Variants in NDOR1 observed in about 807,000 individuals in gnomAD.
NDOR1 encodes NADPH-dependent diflavin oxidoreductase 1.
In NDOR1, 61 loss-of-function variants were observed where a neutral mutation model predicts 67.2. The observed-to-expected ratio is 0.91, with a 90% CI of 0.74 to 1.12. NDOR1 has a LOEUF of 1.12. Ranked by LOEUF, NDOR1 falls within the 50% of genes most tolerant of loss-of-function variation. The pLI, the probability that NDOR1 is intolerant of heterozygous loss-of-function variation, is 0.00. For synonymous variants in NDOR1, 378 were observed against 343.7 expected (o/e 1.10, Z -1.10); for missense variants, 878 against 802.8 (o/e 1.09, Z -1.13).
At position 137,210,096 on chromosome 9, in the gene NDOR1, C is replaced by T. The variant is rs867147309; in HGVS notation, c.214-2406C>T. Among the ~76,000 whole-genome samples, 7 of 152,340 alleles carry T rather than the reference C, an allele frequency of 4.6e-5. 1 individual carries two copies. The South Asian group carries it at 1.0e-3, about 23-fold the overall frequency. On this transcript the variant is annotated intron_variant, in intron 2 of 13. Coordinates refer to ENST00000684003, the MANE Select transcript of NDOR1 (RefSeq NM_014434.4). ...TGAAAACATGCACCAGAAAGAACCA[C>T]ACCCCACCCGAGGAAAGACCCGCAT...
rs931361402 is a variant in NDOR1 at position 137,218,302 on chromosome 9, G to T, written c.*1886G>T. On this transcript the variant is annotated 3_prime_UTR_variant, in exon 14 of 14. Coordinates refer to ENST00000684003, the MANE Select transcript of NDOR1 (RefSeq NM_014434.4). Reference sequence around the variant, plus strand: ...TACAGGCCGACGGGCCCTCACGCCAGCCCCGCCGAGAGGCCCCTGCATCCT... The same window carrying T: ...TACAGGCCGACGGGCCCTCACGCCATCCCCGCCGAGAGGCCCCTGCATCCT... 3 of 398,318 alleles carry T rather than the reference G, an allele frequency of 7.5e-6. No individual in the cohort carries two copies. Among genetic ancestry groups the T allele is most frequent in the African/African-American group, 2.1e-5 (1 of 48,736 alleles). 24.7% of individuals were successfully genotyped at this position (398,318 alleles called of 1,614,324 possible). A position where few individuals can be genotyped will look rare whatever the true frequency, so the allele number is the denominator to read the frequency against.
chr9:137,215,954 T>C lies in NDOR1; in HGVS notation c.1491T>C (p.Ala497=). ...GGGACCAAGACTTCTACTGGGAGGC[T>C]GAGTGGCAGGAGCTGGAGAAGCGGG... ...RWRDQDFYWE[A]EWQELEKRDC... The change falls in exon 12 of 14, where the codon GCT becomes GCC. Residue 497 remains alanine, a synonymous_variant. Coordinates refer to ENST00000684003, the MANE Select transcript of NDOR1 (RefSeq NM_014434.4). 1.2e-6 allele frequency: 2 copies of C among 1,613,764 alleles called. No individual in the cohort carries two copies. Among genetic ancestry groups the C allele is most frequent in the Non-Finnish European group, 1.7e-6 (2 of 1,180,010 alleles).
rs1316261506 is a variant in NDOR1 at position 137,216,107 on chromosome 9, A to T, written c.1568A>T (p.Tyr523Phe). The change falls in exon 13 of 14, where the codon TAT (tyrosine) becomes TTT (phenylalanine). Residue 523 changes from tyrosine (Y) to phenylalanine (F), a missense_variant. Tyr to Phe is a conservative substitution (Grantham distance 22). Transcript: ENST00000684003. ...TCTGCCCTACAGGAGCAGAAAGTAT[A>T]TGTGCAGCACCGGCTCCGGGAGCTG... ...AFSREQEQKV[Y>F]VQHRLRELGS... The T allele has an allele frequency of 6.2e-7, 1 of 1,613,404 alleles. No individual in the cohort carries two copies. Among genetic ancestry groups the T allele is most frequent in the African/African-American group, 1.3e-5 (1 of 74,922 alleles).
At position 137,215,938 on chromosome 9, in the gene NDOR1, A is replaced by T; in HGVS notation, c.1475A>T (p.Asp492Val). 1.2e-6 allele frequency: 2 copies of T among 1,613,692 alleles called. No individual in the cohort carries two copies. Among genetic ancestry groups the T allele is most frequent in the Non-Finnish European group, 1.7e-6 (2 of 1,179,996 alleles). The change falls in exon 12 of 14, where the codon GAC becomes GTC. Residue 492 changes from aspartate (D) to valine (V), a missense_variant. By Grantham distance (152) the Asp-to-Val change is radical. Coordinates refer to ENST00000684003, the MANE Select transcript of NDOR1 (RefSeq NM_014434.4). ...TTTGGCTGCCGCTGGCGGGACCAAG[A>T]CTTCTACTGGGAGGCTGAGTGGCAG... Reference protein sequence around the residue: ...LFFGCRWRDQDFYWEAEWQEL... With the variant: ...LFFGCRWRDQVFYWEAEWQEL...
In NDOR1 at chr9:137,216,614, T is replaced by C. The variant is rs749674661; in HGVS notation, c.*198T>C. 91 of 680,256 alleles carry C rather than the reference T, an allele frequency of 1.3e-4. No individual in the cohort carries two copies. Among genetic ancestry groups the C allele is most frequent in the Non-Finnish European group, 2.1e-4 (86 of 413,024 alleles). The allele number at this position is 680,256 out of a possible 1,614,324, so 42.1% of individuals were successfully genotyped here. On this transcript the variant is annotated 3_prime_UTR_variant, in exon 14 of 14. Transcript: ENST00000684003. Reference sequence around the variant, plus strand: ...CTTTGAGCCTGACCCCACTGCAGCCTCTGCCCAGCCAGCCCTGCGCTCCCC... The same window carrying C: ...CTTTGAGCCTGACCCCACTGCAGCCCCTGCCCAGCCAGCCCTGCGCTCCCC...
intron 3 of NDOR1, 48 bp from the exon 4 acceptor site, chr9:137,213,732 A>C: frequency 6.3e-7 from 1 of 1,575,274 alleles, no homozygotes; most frequent in East Asian, 2.3e-5. Context: ...CCTGGGCACC[A>C]CTCTCCGCCC....
rs139188702 is a variant in NDOR1 at position 137,213,809 on chromosome 9, G to A, written c.341G>A (p.Arg114Gln). The A allele has an allele frequency of 1.7e-3, 2,788 of 1,612,654 alleles. 5 individuals carry two copies. The highest frequency in any genetic ancestry group is 2.1e-3 in the Non-Finnish European group (2,432 of 1,179,642). Residue 114 changes from arginine to glutamine, a missense_variant, in exon 4 of 14, where the codon CGA becomes CAA. By Grantham distance (43) the Arg-to-Gln change is conservative. Coordinates refer to ENST00000684003, the MANE Select transcript of NDOR1 (RefSeq NM_014434.4). ...KFNFVAKKLH[R>Q]RLLQLGGSAL... ...AACTTCGTGGCCAAGAAGCTGCACC[G>A]ACGGCTACTGCAGCTTGGGGGCAGC...
At position 137,213,948 on chromosome 9, in the gene NDOR1, C is replaced by T. The variant is rs770681227; in HGVS notation, c.411-19C>T. 18 of 1,571,058 alleles carry T rather than the reference C, an allele frequency of 1.1e-5. No homozygotes were observed. Among genetic ancestry groups the T allele is most frequent in the East Asian group, 2.3e-5 (1 of 42,996 alleles). Reference sequence around the variant, plus strand: ...CACACGCAGGGTCCGCTCAGGCCAGCGCACGTGCTCCCTCCCAGGCCCGAC... The same window carrying T: ...CACACGCAGGGTCCGCTCAGGCCAGTGCACGTGCTCCCTCCCAGGCCCGAC... On this transcript the variant is annotated intron_variant, in intron 4 of 13. Coordinates refer to ENST00000684003, the MANE Select transcript of NDOR1 (RefSeq NM_014434.4).
In NDOR1 at chr9:137,212,629, G is replaced by A. The variant is rs375858522; in HGVS notation, c.311+30G>A. On this transcript the variant is annotated intron_variant, in intron 3 of 13. Transcript: ENST00000684003. The surrounding 1 kb of genome is among the most constrained non-coding windows in gnomAD (Gnocchi z 4.3). The stretch of plus-strand genomic sequence containing the variant: ...GTAGGGGATGGGACAGTGGGCGGAC[G>A]GAACAGTTCTGGGGGTCGAGCAACA... The A allele has an allele frequency of 8.2e-6, 13 of 1,588,502 alleles. No homozygotes were observed. The highest frequency in any genetic ancestry group is 4.0e-5 in the African/African-American group (3 of 74,366).
At position 137,206,291 on chromosome 9, in the gene NDOR1, C is replaced by A. The variant is rs761915946; in HGVS notation, c.195C>A (p.Asp65Glu). ...TTTGTGCAACTACAGGCCAAGGAGACCCCCCTGACAACATGAAGGTAAGGC... is the reference window on the plus strand; with the variant it reads ...TTTGTGCAACTACAGGCCAAGGAGAACCCCCTGACAACATGAAGGTAAGGC... ...IFVCATTGQG[D>E]PPDNMKNFWR... is the part of the protein sequence containing the mutation. The change falls in exon 2 of 14, where the codon GAC (aspartate) becomes GAA (glutamate). Residue 65 changes from aspartate to glutamate, a missense_variant. Coordinates refer to ENST00000684003, the MANE Select transcript of NDOR1 (RefSeq NM_014434.4). 3.1e-6 allele frequency: 5 copies of A among 1,613,910 alleles called. No homozygotes were observed. Among genetic ancestry groups the A allele is most frequent in the East Asian group, 4.5e-5 (2 of 44,872 alleles).
In NDOR1 at chr9:137,215,630, C is replaced by T. The variant is rs780710596; in HGVS notation, c.1289-29C>T. Reference sequence around the variant, plus strand: ...GCAGACTCAGCACAGGTCTTTGATCCTCTTCATGCCACCTCCTTCCTGCAA... The same window carrying T: ...GCAGACTCAGCACAGGTCTTTGATCTTCTTCATGCCACCTCCTTCCTGCAA... On this transcript the variant is annotated intron_variant, in intron 10 of 13. Transcript: ENST00000684003. 1.3e-5 allele frequency: 20 copies of T among 1,582,036 alleles called. No individual in the cohort carries two copies. The South Asian group carries it at 1.5e-4, about 12-fold the overall frequency.
In NDOR1 at chr9:137,216,559, G is replaced by A. The variant is rs951222387; in HGVS notation, c.*143G>A. 9.9e-6 allele frequency: 11 copies of A among 1,109,130 alleles called. No individual in the cohort carries two copies. The African/African-American group carries it at 1.7e-4, about 18-fold the overall frequency. The allele number at this position is 1,109,130 out of a possible 1,614,324, so 68.7% of individuals were successfully genotyped here. ...TGGGAACAGCCAGCTCCCGAGCACAGCCGCACTCCTGTTGACCCTGGATCC... is the reference window on the plus strand; with the variant it reads ...TGGGAACAGCCAGCTCCCGAGCACAACCGCACTCCTGTTGACCCTGGATCC... On this transcript the variant is annotated 3_prime_UTR_variant, in exon 14 of 14. Transcript: ENST00000684003.
rs747046431 is a variant in NDOR1, at chr9:137,215,491, T to C, written c.1258T>C (p.Ser420Pro). The stretch of plus-strand genomic sequence containing the variant: ...GGAGCCCCGCCGGGGCCTCTGCTCC[T>C]CCTGGCTGGCATCCCTGGACCCTGG... ...LKEPRRGLCSSWLASLDPGQG... is the reference protein window; with the variant it reads ...LKEPRRGLCSPWLASLDPGQG... Residue 420 changes from serine (S) to proline (P), a missense_variant, in exon 10 of 14, where the codon TCC (serine) becomes CCC (proline). Physicochemically the swap from Ser to Pro is moderately conservative, Grantham distance 74. Coordinates refer to ENST00000684003, the MANE Select transcript of NDOR1 (RefSeq NM_014434.4). The C allele has an allele frequency of 2.5e-6, 4 of 1,613,230 alleles. No individual in the cohort carries two copies. The South Asian group carries it at 4.4e-5, about 18-fold the overall frequency.
Position 137,216,617 on chromosome 9 carries a change from GC to G in NDOR1, c.*204del. 1 of 655,936 alleles carries G rather than the reference GC, an allele frequency of 1.5e-6. No homozygotes were observed. The highest frequency in any genetic ancestry group is 1.8e-5 in the African/African-American group (1 of 54,848). 40.6% of individuals were successfully genotyped at this position (655,936 alleles called of 1,614,324 possible). Reference sequence around the variant, plus strand: ...TGAGCCTGACCCCACTGCAGCCTCTGCCCAGCCAGCCCTGCGCTCCCCCACC... The same window carrying G: ...TGAGCCTGACCCCACTGCAGCCTCTGCCAGCCAGCCCTGCGCTCCCCCACC... On this transcript the variant is annotated 3_prime_UTR_variant, in exon 14 of 14. Coordinates refer to ENST00000684003, the MANE Select transcript of NDOR1 (RefSeq NM_014434.4).
intron 3 of NDOR1, 86 bp from the exon 4 acceptor site, chr9:137,213,694 G>A (rs545274317): frequency 2.7e-5 from 36 of 1,349,562 alleles, no homozygotes; most frequent in African/African-American, 2.1e-4. Context: ...CTCTTCGCCC[G>A]GGCTCCACTC....
chr9:137,206,128 C>A (rs868437010), intron 1 of NDOR1, 104 bp from the exon 2 acceptor site: 3 of 1,500,820 alleles, frequency 2.0e-6, no homozygotes, highest in Middle Eastern at 1.7e-4. Context: ...CACATAAATC[C>A]CTCTGCCCTG....
At position 137,218,522 on chromosome 9, in the gene NDOR1, C is replaced by T; in HGVS notation, c.*2106C>T. 2 of 400,946 alleles carry T rather than the reference C, an allele frequency of 5.0e-6. No individual in the cohort carries two copies. Among genetic ancestry groups the T allele is most frequent in the Non-Finnish European group, 8.8e-6 (2 of 228,154 alleles). 24.8% of individuals were successfully genotyped at this position (400,946 alleles called of 1,614,324 possible). A position where few individuals can be genotyped will look rare whatever the true frequency, so the allele number is the denominator to read the frequency against. Reference sequence around the variant, plus strand: ...GCTGCTGAGCCTGCTGGCCCTTGAGCTTCTGGGGCTGCTGCTGGTCTTCAC... The same window carrying T: ...GCTGCTGAGCCTGCTGGCCCTTGAGTTTCTGGGGCTGCTGCTGGTCTTCAC... On this transcript the variant is annotated 3_prime_UTR_variant, in exon 14 of 14. Coordinates refer to ENST00000684003, the MANE Select transcript of NDOR1 (RefSeq NM_014434.4).
Position 137,218,401 on chromosome 9 carries a change from C to T in NDOR1, c.*1985C>T, listed in dbSNP as rs749910320. ...TGCGCTTCCTGGCAGGGCCCGTGGG[C>T]GGCCGGGGCTGCCTGCCCTTCCTGC... is the stretch of plus-strand genomic sequence containing the variant. On this transcript the variant is annotated 3_prime_UTR_variant, in exon 14 of 14. Coordinates refer to ENST00000684003, the MANE Select transcript of NDOR1 (RefSeq NM_014434.4). The T allele has an allele frequency of 4.3e-5, 17 of 398,584 alleles. No homozygotes were observed. Among genetic ancestry groups the T allele is most frequent in the Middle Eastern group, 6.3e-4 (1 of 1,590 alleles). 24.7% of individuals were successfully genotyped at this position (398,584 alleles called of 1,614,324 possible).
At position 137,216,633 on chromosome 9, in the gene NDOR1, G is replaced by A. The variant is rs768886300; in HGVS notation, c.*217G>A. ...GCAGCCTCTGCCCAGCCAGCCCTGC[G>A]CTCCCCCACCCTGACAGTGAGCTGT... On this transcript the variant is annotated 3_prime_UTR_variant, in exon 14 of 14. Transcript: ENST00000684003. 2.1e-5 allele frequency: 13 copies of A among 615,178 alleles called. No homozygotes were observed. Among genetic ancestry groups the A allele is most frequent in the African/African-American group, 9.3e-5 (5 of 54,010 alleles). The allele number at this position is 615,178 out of a possible 1,614,324, so 38.1% of individuals were successfully genotyped here.
Sources: gnomAD v4.1 joint callset for allele counts (sites outside exome capture counted in the v4.1 genomes callset) on GRCh38, gnomAD v4.1.1 for gene constraint, Gnocchi (gnomAD v3.1) non-coding constraint, MANE v1.5 for transcripts, NCBI Gene and HGNC (gene_info 2026-07-23, HGNC 2026-07-21) for gene names.